The following ZNF644 variants were observed in gnomAD, a reference collection of about 807,000 sequenced individuals.
The protein encoded by ZNF644 is zinc finger motif enhancer binding protein 2.
A neutral mutation model predicts 108.0 loss-of-function variants in ZNF644; 20 were observed. That is an observed-to-expected ratio of 0.19 (90% CI 0.13 to 0.27). The LOEUF (loss-of-function observed/expected upper bound fraction) is 0.27, where lower values mean the gene tolerates loss of function less well. ZNF644 is among the 10% of genes least tolerant of loss of function. ZNF644 has a pLI of 1.00. For synonymous variants in ZNF644, 542 were observed against 539.1 expected, an observed-to-expected ratio of 1.01 and a Z score of -0.08; for missense variants, 1,338 against 1,548.9, an observed-to-expected ratio of 0.86 and a Z score of 2.29.
rs1308991222 is a variant in ZNF644 at position 90,940,571 on chromosome 1, G to A, written c.783C>T (p.Pro261=). 1 of 1,613,412 alleles carries A rather than the reference G, an allele frequency of 6.2e-7. No individual in the cohort carries two copies. The highest frequency in any genetic ancestry group is 2.2e-5 in the East Asian group (1 of 44,838). Residue 261 remains proline (P), a synonymous_variant, in exon 3 of 6, where the codon CCC becomes CCT. Coordinates refer to ENST00000337393, the MANE Select transcript of ZNF644 (RefSeq NM_201269.3). ...FRSENDTNWD[P]QKEFIQFLMT... ...TAAGAAATTGAATGAACTCTTTTTG[G>A]GGATCCCAGTTTGTATCATTTTCTG...
chr1:91,001,987 C>T (rs1257864681), intron 1 of ZNF644, among the ~76,000 whole-genome samples: 1 of 152,154 alleles, frequency 6.6e-6, no homozygotes, highest in African/African-American at 2.4e-5. Context: ...TGAAGGACCT[C>T]CTCAAGGAGA....
intron 4 of ZNF644, among the ~76,000 whole-genome samples, chr1:90,926,180 G>C (rs1407329391): frequency 1.3e-5 from 2 of 152,150 alleles, no homozygotes; most frequent in African/African-American, 2.4e-5. Flanking sequence ...GTTCTAGCTG[G>C]TCCATGAAGG....
chr1:91,018,728 A>G (rs13374092), intron 1 of ZNF644, among the ~76,000 whole-genome samples: 1,951 of 152,304 alleles, frequency 0.013, 38 homozygotes, highest in African/African-American at 0.044. Context: ...CTAAAAAACA[A>G]TATTTAGGAT....
Position 91,004,613 on chromosome 1 carries a change from T to TA in ZNF644, c.-18+17376dup, listed in dbSNP as rs573855125. Among the ~76,000 whole-genome samples the TA allele has an allele frequency of 7.6e-3, 1,152 of 152,256 alleles. 8 individuals are homozygous for TA. Among genetic ancestry groups the TA allele is most frequent in the Admixed American group, 0.01 (160 of 15,298 alleles). On this transcript the variant is annotated intron_variant, in intron 1 of 5. Coordinates refer to ENST00000337393, the MANE Select transcript of ZNF644 (RefSeq NM_201269.3). ...ACATAGGTAAATATAAAAGACAGTA[T>TA]AACTGTTTTCTCTTTGTAACTTTTT...
chr1:90,986,882 A>G (rs1657153988), intron 1 of ZNF644, among the ~76,000 whole-genome samples: 1 of 151,932 alleles, frequency 6.6e-6, no homozygotes, highest in African/African-American at 2.4e-5. Context: ...GGAAAACAAG[A>G]AAATCCACAC....
intron 2 of ZNF644, among the ~76,000 whole-genome samples, chr1:90,954,321 G>A (rs1482227476): frequency 6.6e-6 from 1 of 152,072 alleles, no homozygotes; most frequent in Non-Finnish European, 1.5e-5. Flanking sequence ...TCCCTCTCAA[G>A]AAACCACTTT....
At chr1:90,962,644 T>C (rs1654449651) in intron 2 of ZNF644, among the ~76,000 whole-genome samples, 1 of 152,132 alleles carries the variant, frequency 6.6e-6, no homozygotes. Context: ...TGGCTAGATG[T>C]TTGTTTTGTG....
intron 2 of ZNF644, among the ~76,000 whole-genome samples, chr1:90,968,663 T>C (rs546658571): frequency 3.3e-5 from 5 of 152,346 alleles, no homozygotes; most frequent in African/African-American, 1.2e-4. Context: ...ATCACAGTAA[T>C]ATTTAAAGTG....
chr1:90,942,159 T>C (rs774726818), intron 2 of ZNF644, among the ~76,000 whole-genome samples: 1 of 152,228 alleles, frequency 6.6e-6, no homozygotes, highest in Non-Finnish European at 1.5e-5. Flanking sequence ...ATCCCACTTA[T>C]GATCTGGTGG....
intron 2 of ZNF644, among the ~76,000 whole-genome samples, chr1:90,961,492 T>G (rs753708792): frequency 6.6e-6 from 1 of 152,124 alleles, no homozygotes; most frequent in Non-Finnish European, 1.5e-5. Context: ...TTATTTGCCT[T>G]TTCACTGCCA....
rs749574467 is a variant in ZNF644 at position 90,939,141 on chromosome 1, T to C, written c.2213A>G (p.Tyr738Cys). The C allele has an allele frequency of 9.3e-6, 15 of 1,613,878 alleles. No homozygotes were observed. The highest frequency in any genetic ancestry group is 8.5e-6 in the Non-Finnish European group (10 of 1,179,922). ...EKSNAKANSH[Y>C]LYRHKYENYR... ...GTTTTCATATTTGTGTCTATACAAA[T>C]AGTGGCTATTTGCCTTGGCATTAGA... Residue 738 changes from tyrosine (Y) to cysteine (C), a missense_variant, in exon 3 of 6, where the codon TAT becomes TGT. Tyr to Cys is a radical substitution (Grantham distance 194, BLOSUM62 -2). This residue lies in a region of ZNF644 where 462 missense variants were observed against 472.6 expected (regional missense o/e 0.98). Transcript: ENST00000337393.
At chr1:90,946,367 T>C (rs1455376693) in intron 2 of ZNF644, among the ~76,000 whole-genome samples, 1 of 152,030 alleles carries the variant, frequency 6.6e-6, no homozygotes, top group Non-Finnish European at 1.5e-5. Flanking sequence ...AATAATAAAA[T>C]GGTTCAGAAG....
In ZNF644 at chr1:90,941,891, AAT is replaced by A. The variant is rs373472234; in HGVS notation, c.45-584_45-583del. 7.0e-4 allele frequency among the ~76,000 whole-genome samples: 107 copies of A among 152,304 alleles called. 1 individual carries two copies. The highest frequency in any genetic ancestry group is 2.6e-3 in the African/African-American group (106 of 41,568). ...ATCAACATCAATGTTTTATGTATGAAATAGTCCTTTTTAAAAGACTGCTTTGC... is the reference window on the plus strand; with the variant it reads ...ATCAACATCAATGTTTTATGTATGAAAGTCCTTTTTAAAAGACTGCTTTGC... On this transcript the variant is annotated intron_variant, in intron 2 of 5. Coordinates refer to ENST00000337393, the MANE Select transcript of ZNF644 (RefSeq NM_201269.3).
chr1:90,997,949 C>A (rs1022097694), intron 1 of ZNF644, among the ~76,000 whole-genome samples: 2 of 152,210 alleles, frequency 1.3e-5, no homozygotes, highest in African/African-American at 4.8e-5. Flanking sequence ...TCGCTCATTG[C>A]TAGCACAGCA....
chr1:90,978,283 C>T lies in ZNF644; in HGVS notation c.44+4027G>A, dbSNP rs183258413. On this transcript the variant is annotated intron_variant, in intron 2 of 5. Coordinates refer to ENST00000337393, the MANE Select transcript of ZNF644 (RefSeq NM_201269.3). ...AGGAGAAACGCATGAACTCAGGAGG[C>T]GGAGGTTGCAGGGAGCCAAAATAGT... 1.1e-4 allele frequency among the ~76,000 whole-genome samples: 17 copies of T among 150,478 alleles called. No homozygotes were observed. The East Asian group carries it at 2.6e-3, about 23-fold the overall frequency.
At chr1:90,951,596 A>T (rs1464678625) in intron 2 of ZNF644, among the ~76,000 whole-genome samples, 1 of 152,132 alleles carries the variant, frequency 6.6e-6, no homozygotes, top group Non-Finnish European at 1.5e-5. Flanking sequence ...GCCAACCTGG[A>T]CCACTCTAGT....
intron 1 of ZNF644, among the ~76,000 whole-genome samples, chr1:91,008,495 T>C (rs165166): frequency 3.7e-4 from 57 of 152,314 alleles, no homozygotes; most frequent in Middle Eastern, 3.4e-3. Context: ...AAAAAGCAAC[T>C]ACTTAAGCAA....
At position 91,002,415 on chromosome 1, in the gene ZNF644, A is replaced by G. The variant is rs1658941086; in HGVS notation, c.-18+19575T>C. Among the ~76,000 whole-genome samples, 3 of 152,218 alleles carry G rather than the reference A, an allele frequency of 2.0e-5. No individual in the cohort carries two copies. In the South Asian group the frequency reaches 6.2e-4, roughly 32 times the overall value. ...CTGATCTTTGACAAACCTGAGAAAA[A>G]CAAGAAATGGGGAAAGGATTCCCTA... On this transcript the variant is annotated intron_variant, in intron 1 of 5. Coordinates refer to ENST00000337393, the MANE Select transcript of ZNF644 (RefSeq NM_201269.3).
intron 2 of ZNF644, among the ~76,000 whole-genome samples, chr1:90,953,327 C>CTAT (rs1232522256): frequency 6.9e-6 from 1 of 145,172 alleles, no homozygotes; most frequent in African/African-American, 2.6e-5. Context: ...TTTCCAAGTA[C>CTAT]GTATAAAAGT....
Sources: gnomAD v4.1 joint callset for allele counts (sites outside exome capture counted in the v4.1 genomes callset) on GRCh38, gnomAD v4.1.1 for gene constraint, gnomAD v4.1.1 regional missense constraint, MANE v1.5 for transcripts, NCBI Gene and HGNC (gene_info 2026-07-23, HGNC 2026-07-21) for gene names.